ARHGAP42: variants seen among roughly 807,000 people sequenced by gnomAD.
ARHGAP42 encodes the protein Rho GTPase activating protein 42.
In ARHGAP42, 63 loss-of-function variants were observed where a neutral mutation model predicts 125.0. The ratio of observed to expected loss-of-function variants is 0.50; its 90% confidence interval spans 0.41 to 0.62. The LOEUF is 0.62. Ranked by LOEUF, ARHGAP42 falls within the 20% of genes least tolerant of loss-of-function variation. The pLI is 0.00. For missense variants in ARHGAP42, 766 were observed against 1,024.2 expected (o/e 0.75, Z 3.44); for synonymous variants, 339 against 351.0 (o/e 0.97, Z 0.38).
chr11:100,776,615 A>G (rs1863130806), intron 2 of ARHGAP42, among the ~76,000 whole-genome samples: 1 of 152,202 alleles, frequency 6.6e-6, no homozygotes, highest in Admixed American at 6.5e-5. Context: ...TAACTAGTGT[A>G]TTGCTGGTCC....
intron 1 of ARHGAP42, among the ~76,000 whole-genome samples, chr11:100,707,203 C>G (rs939093985): frequency 4.6e-5 from 7 of 152,104 alleles, no homozygotes; most frequent in African/African-American, 1.4e-4. Flanking sequence ...AATAATGTTG[C>G]TGTGAACATT....
At chr11:100,922,294 G>T (rs185484048) in intron 6 of ARHGAP42, among the ~76,000 whole-genome samples, 493 of 152,238 alleles carry the variant, frequency 3.2e-3, no homozygotes, top group Non-Finnish European at 4.9e-3. Context: ...CTAAGTCAGT[G>T]TAAAATGTAA....
intron 8 of ARHGAP42, 63 bp from the exon 9 acceptor site, chr11:100,941,721 T>A (rs986533543): frequency 9.7e-7 from 1 of 1,025,736 alleles, no homozygotes; most frequent in Non-Finnish European, 1.4e-6. Context: ...CTGGAGAATG[T>A]GCAAACTTTG....
intron 4 of ARHGAP42, among the ~76,000 whole-genome samples, chr11:100,897,550 C>A (rs1277673552): frequency 2.0e-5 from 3 of 152,064 alleles, no homozygotes; most frequent in Admixed American, 2.0e-4. Context: ...TGAAGAGGTC[C>A]TTCACATCCC....
chr11:100,972,422 T>G (rs17726918), intron 17 of ARHGAP42, among the ~76,000 whole-genome samples: 14,071 of 152,168 alleles, frequency 0.092, 941 homozygotes, highest in Non-Finnish European at 0.13. Flanking sequence ...GGTTTTTGAT[T>G]TGATTGTCAA....
intron 1 of ARHGAP42, among the ~76,000 whole-genome samples, chr11:100,694,090 C>T (rs1184674151): frequency 1.3e-5 from 2 of 151,982 alleles, no homozygotes; most frequent in Non-Finnish European, 2.9e-5. Context: ...TGCCACCACC[C>T]CTGGCCAATT....
chr11:100,958,080 A>G (rs1857851373), intron 12 of ARHGAP42, among the ~76,000 whole-genome samples: 2 of 150,674 alleles, frequency 1.3e-5, no homozygotes, highest in Admixed American at 1.3e-4. Context: ...TGATATAAAA[A>G]TGCTAGTGTC....
chr11:100,779,852 C>T (rs1863258436), intron 2 of ARHGAP42, among the ~76,000 whole-genome samples: 1 of 151,328 alleles, frequency 6.6e-6, no homozygotes, highest in Non-Finnish European at 1.5e-5. Flanking sequence ...ATGGTGAAAC[C>T]CTGTCTCTAC....
intron 2 of ARHGAP42, among the ~76,000 whole-genome samples, chr11:100,786,876 G>C (rs685611): frequency 0.5 from 76,254 of 151,852 alleles, 19,987 homozygotes; most frequent in South Asian, 0.63. Context: ...AATCTCATCT[G>C]GAATTATAAT....
At chr11:100,689,747 C>T (rs1861155137) in intron 1 of ARHGAP42, among the ~76,000 whole-genome samples, 1 of 152,132 alleles carries the variant, frequency 6.6e-6, no homozygotes. Flanking sequence ...ATTACTTTAA[C>T]TAACGTTTGA....
At chr11:100,848,904 C>A (rs1055472404) in intron 3 of ARHGAP42, among the ~76,000 whole-genome samples, 1 of 152,096 alleles carries the variant, frequency 6.6e-6, no homozygotes, top group Non-Finnish European at 1.5e-5. Flanking sequence ...TCTGCTTTAC[C>A]TTATTATCTG....
At chr11:100,882,381 G>A (rs1029438234) in intron 4 of ARHGAP42, among the ~76,000 whole-genome samples, 11 of 152,000 alleles carry the variant, frequency 7.2e-5, no homozygotes, top group Non-Finnish European at 1.5e-4. Context: ...TTCTTTTTAT[G>A]TGGTGTATCA....
At chr11:100,848,364 A>G (rs1159876383) in intron 3 of ARHGAP42, among the ~76,000 whole-genome samples, 1 of 152,200 alleles carries the variant, frequency 6.6e-6, no homozygotes, top group African/African-American at 2.4e-5. Context: ...GGATGTGATT[A>G]TCGACATTAT....
At chr11:100,883,126 G>A (rs1446287972) in intron 4 of ARHGAP42, among the ~76,000 whole-genome samples, 1 of 151,964 alleles carries the variant, frequency 6.6e-6, no homozygotes, top group Non-Finnish European at 1.5e-5. Flanking sequence ...CCAGACTGCT[G>A]CTTATCCTGG....
chr11:100,759,154 G>A lies in ARHGAP42; in HGVS notation c.155-11189G>A, dbSNP rs144728550. The stretch of plus-strand genomic sequence containing the variant: ...CCGGACTGCTTTTGTCAGCAGCCAG[G>A]TGTCCCCCACTCACCCCCATCACCC... On this transcript the variant is annotated intron_variant, in intron 1 of 23. Coordinates refer to ENST00000298815, the MANE Select transcript of ARHGAP42 (RefSeq NM_152432.4). Among the ~76,000 whole-genome samples, 4 of 152,210 alleles carry A rather than the reference G, an allele frequency of 2.6e-5. No homozygotes were observed. The East Asian group carries it at 7.7e-4, about 29-fold the overall frequency.
At chr11:100,848,367 G>A (rs1259171176) in intron 3 of ARHGAP42, among the ~76,000 whole-genome samples, 1 of 152,078 alleles carries the variant, frequency 6.6e-6, no homozygotes, top group Non-Finnish European at 1.5e-5. Context: ...TGTGATTATC[G>A]ACATTATGTT....
intron 3 of ARHGAP42, among the ~76,000 whole-genome samples, chr11:100,849,231 C>T (rs1463745942): frequency 6.6e-6 from 1 of 151,720 alleles, no homozygotes; most frequent in Non-Finnish European, 1.5e-5. Context: ...ATCACTCATT[C>T]TTCACATGAT....
Position 100,913,481 on chromosome 11 carries a change from T to C in ARHGAP42, c.414T>C (p.Ser138=). 7.7e-7 allele frequency: 1 copy of C among 1,292,662 alleles called. No homozygotes were observed. The allele number at this position is 1,292,662 out of a possible 1,614,324, so 80.1% of individuals were successfully genotyped here. Reference sequence around the variant, plus strand: ...GAAAGAAGAAGTTTGACAAAGAGAGTGAAAAATATTACTCTATCCTTGAAA... The same window carrying C: ...GAAAGAAGAAGTTTGACAAAGAGAGCGAAAAATATTACTCTATCCTTGAAA... ...KDGKKKFDKE[S]EKYYSILEKH... The change falls in exon 5 of 24, where the codon AGT becomes AGC. Residue 138 remains serine, a synonymous_variant. Transcript: ENST00000298815.
intron 5 of ARHGAP42, among the ~76,000 whole-genome samples, chr11:100,913,840 G>A (rs1049127751): frequency 6.6e-6 from 1 of 152,158 alleles, no homozygotes; most frequent in Non-Finnish European, 1.5e-5. Flanking sequence ...TTCATGTTAT[G>A]GCCTTCAGCT....
Sources: gnomAD v4.1 joint callset for allele counts (sites outside exome capture counted in the v4.1 genomes callset) on GRCh38, gnomAD v4.1.1 for gene constraint, MANE v1.5 for transcripts, NCBI Gene and HGNC (gene_info 2026-07-23, HGNC 2026-07-21) for gene names.